The following SRPK1 variants were observed in gnomAD, a reference collection of about 807,000 sequenced individuals.
SRPK1 encodes SRSF protein kinase 1, also known as SFRS protein kinase 1.
Under a neutral mutation model 89.5 loss-of-function variants are expected in SRPK1, and 52 were observed. The ratio of observed to expected loss-of-function variants is 0.58; its 90% confidence interval spans 0.46 to 0.73. SRPK1 has a LOEUF of 0.73. SRPK1 is among the 30% of genes least tolerant of loss of function. The pLI is 0.00. For missense variants in SRPK1, 603 were observed against 780.6 expected, an observed-to-expected ratio of 0.77 and a Z score of 2.71; for synonymous variants, 255 against 270.2, an observed-to-expected ratio of 0.94 and a Z score of 0.55.
chr6:35,884,208 A>T (rs1490050531), intron 6 of SRPK1, among the ~76,000 whole-genome samples: 1 of 152,222 alleles, frequency 6.6e-6, no homozygotes, highest in Non-Finnish European at 1.5e-5. Flanking sequence ...CTAAAGACAT[A>T]GGAGGTCATA....
At chr6:35,880,619 G>T (rs2127252766) in intron 6 of SRPK1, among the ~76,000 whole-genome samples, 1 of 150,430 alleles carries the variant, frequency 6.6e-6, no homozygotes, top group South Asian at 2.1e-4. Flanking sequence ...CTACTTGGGA[G>T]GCTGAGGCAG....
chr6:35,890,346 ATTTATC>A (rs1344088282), intron 3 of SRPK1, among the ~76,000 whole-genome samples: 2 of 152,240 alleles, frequency 1.3e-5, no homozygotes, highest in Non-Finnish European at 2.9e-5. Flanking sequence ...GTATTTTCAT[ATTTATC>A]TTTGTCAGCT....
intron 14 of SRPK1, among the ~76,000 whole-genome samples, chr6:35,839,898 C>T (rs901388907): frequency 2.0e-5 from 3 of 151,950 alleles, no homozygotes; most frequent in African/African-American, 7.3e-5. Flanking sequence ...AGGCTGGTCT[C>T]GAACTCCTGA....
Position 35,835,810 on chromosome 6 carries a change from A to C in SRPK1, c.1784-322T>G, listed in dbSNP as rs145452718. ...ATAAACATGAAATGCCTATGTCTTC[A>C]ACATGGTCTTATATGGTGTGCAGAG... On this transcript the variant is annotated intron_variant, in intron 15 of 15. Transcript: ENST00000373825. 3.4e-3 allele frequency among the ~76,000 whole-genome samples: 523 copies of C among 152,314 alleles called. 3 individuals carry two copies. The highest frequency in any genetic ancestry group is 0.011 in the African/African-American group (461 of 41,574).
chr6:35,858,411 A>G (rs1265849276), intron 12 of SRPK1, among the ~76,000 whole-genome samples: 3 of 152,206 alleles, frequency 2.0e-5, no homozygotes, highest in African/African-American at 7.2e-5. Context: ...TCAAATTTTT[A>G]GTATAAGAGG....
intron 13 of SRPK1, among the ~76,000 whole-genome samples, chr6:35,847,659 A>C (rs1769454533): frequency 1.3e-5 from 2 of 152,194 alleles, no homozygotes; most frequent in South Asian, 4.1e-4. Context: ...AAATAAACCA[A>C]GAGAACAATC....
intron 6 of SRPK1, among the ~76,000 whole-genome samples, chr6:35,881,074 A>G (rs1377321073): frequency 6.6e-6 from 1 of 152,118 alleles, no homozygotes; most frequent in African/African-American, 2.4e-5. Flanking sequence ...AATAATGTCA[A>G]CCAAGAATCC....
Position 35,848,326 on chromosome 6 carries a change from G to A in SRPK1, c.1621-5722C>T, listed in dbSNP as rs570529198. On this transcript the variant is annotated intron_variant, in intron 13 of 15. Transcript: ENST00000373825. ...AATCCCAGCACTTTGGGAGGCTGAA[G>A]TGGGCAGATCACTGGAGCTCAGGAG... Among the ~76,000 whole-genome samples the A allele has an allele frequency of 4.6e-5, 7 of 152,288 alleles. 1 individual carries two copies. The South Asian group carries it at 1.4e-3, about 32-fold the overall frequency.
chr6:35,895,435 T>TTGTGTGTGTG (rs10566123), intron 2 of SRPK1, among the ~76,000 whole-genome samples: 19 of 147,968 alleles, frequency 1.3e-4, no homozygotes, highest in African/African-American at 4.5e-4. Context: ...AGGCATATGC[T>TTGTGTGTGTG]TGTGTGTGTG....
chr6:35,885,298 C>CACACACACACAGAG (rs1276672274), intron 6 of SRPK1, among the ~76,000 whole-genome samples: 23 of 113,186 alleles, frequency 2.0e-4, no homozygotes, highest in Middle Eastern at 4.5e-3. Context: ...CACACACACA[C>CACACACACACAGAG]AGAGAGAGAG....
At chr6:35,906,896 T>C (rs1225615815) in intron 2 of SRPK1, among the ~76,000 whole-genome samples, 1 of 152,242 alleles carries the variant, frequency 6.6e-6, no homozygotes, top group Non-Finnish European at 1.5e-5. Flanking sequence ...TATTATCAAA[T>C]GTTTATTGGT....
intron 3 of SRPK1, among the ~76,000 whole-genome samples, chr6:35,889,786 AAAAC>A (rs775281930): frequency 3.3e-5 from 5 of 149,838 alleles, no homozygotes; most frequent in South Asian, 2.1e-4. Flanking sequence ...TCTGTCTCAA[AAAAC>A]AAACAAACAA....
At chr6:35,868,306 T>G (rs1769953540) in intron 12 of SRPK1, among the ~76,000 whole-genome samples, 1 of 152,110 alleles carries the variant, frequency 6.6e-6, no homozygotes. Flanking sequence ...CTTTCTAGAG[T>G]GTAATATGAC....
At chr6:35,841,306 A>T (rs924176682) in intron 14 of SRPK1, among the ~76,000 whole-genome samples, 1 of 152,226 alleles carries the variant, frequency 6.6e-6, no homozygotes, top group Non-Finnish European at 1.5e-5. Flanking sequence ...GGTATTCATT[A>T]GGAATATTAG....
rs117364810 is a variant in SRPK1, at chr6:35,879,383, C to G, written c.479-5044G>C. Among the ~76,000 whole-genome samples the G allele has an allele frequency of 1.2e-3, 179 of 151,382 alleles. 2 individuals are homozygous for G. The East Asian group carries it at 0.012, about 11-fold the overall frequency. On this transcript the variant is annotated intron_variant, in intron 6 of 15. Coordinates refer to ENST00000373825, the MANE Select transcript of SRPK1 (RefSeq NM_003137.5). ...GCAACATAGCAAGACCCCATCTCCA[C>G]AAAAAATAAAAAATTAGCTGGGTGT...
chr6:35,848,359 A>T (rs1285998161), intron 13 of SRPK1, among the ~76,000 whole-genome samples: 1 of 151,780 alleles, frequency 6.6e-6, no homozygotes, highest in African/African-American at 2.4e-5. Context: ...GAGTTTTGAG[A>T]CCAGCCTGGG....
At chr6:35,866,496 G>T (rs746061153) in intron 12 of SRPK1, among the ~76,000 whole-genome samples, 16 of 152,162 alleles carry the variant, frequency 1.1e-4, no homozygotes, top group Non-Finnish European at 1.9e-4. Context: ...TGAGGCAGGA[G>T]AATTGCTTGA....
intron 5 of SRPK1, 63 bp from the exon 6 acceptor site, chr6:35,886,874 G>A: frequency 7.8e-6 from 7 of 892,404 alleles, no homozygotes; most frequent in African/African-American, 1.6e-5. Flanking sequence ...CAGATGGTAG[G>A]GGAAGAATAC....
intron 2 of SRPK1, among the ~76,000 whole-genome samples, chr6:35,900,358 G>A (rs535131363): frequency 3.7e-4 from 56 of 152,284 alleles, no homozygotes; most frequent in African/African-American, 1.3e-3. Flanking sequence ...GAAAATAAAA[G>A]AAAAGAAACA....
Sources: allele counts gnomAD v4.1 joint callset (sites outside exome capture counted in the v4.1 genomes callset), GRCh38; gene constraint gnomAD v4.1.1; transcripts MANE v1.5; gene names NCBI Gene and HGNC (gene_info 2026-07-23, HGNC 2026-07-21).